FLNB: variants seen among roughly 807,000 people sequenced by gnomAD.
The protein encoded by FLNB is filamin B.
Under a neutral mutation model 250.6 loss-of-function variants are expected in FLNB, and 111 were observed. The observed-to-expected ratio is 0.44, with a 90% CI of 0.38 to 0.52. The LOEUF (loss-of-function observed/expected upper bound fraction) is 0.52. FLNB is among the 20% of genes least tolerant of loss of function. The pLI is 0.00. For synonymous variants in FLNB, 1,302 were observed against 1,372.1 expected (o/e 0.95, Z 1.13); for missense variants, 2,869 against 3,447.8 (o/e 0.83, Z 4.20).
chr3:58,055,063 T>A (rs1377825108), intron 1 of FLNB, among the ~76,000 whole-genome samples: 2 of 152,010 alleles, frequency 1.3e-5, no homozygotes, highest in Non-Finnish European at 2.9e-5. Flanking sequence ...GGTCAGGAGT[T>A]CAAGACCATC....
At position 58,132,940 on chromosome 3, in the gene FLNB, C is replaced by T. The variant is rs2097309881; in HGVS notation, c.4514+9C>T. On this transcript the variant is annotated intron_variant, in intron 26 of 45. Coordinates refer to ENST00000295956, the MANE Select transcript of FLNB (RefSeq NM_001457.4). ...GAAGAGATTCCTCGCAGGTAAGCTC[C>T]ATCCATCTGCCCATCCATTCCTCCA... The T allele has an allele frequency of 1.2e-6, 2 of 1,609,764 alleles. No homozygotes were observed. The highest frequency in any genetic ancestry group is 1.7e-6 in the Non-Finnish European group (2 of 1,178,160).
intron 1 of FLNB, among the ~76,000 whole-genome samples, chr3:58,038,025 G>T (rs1349101810): frequency 6.6e-6 from 1 of 152,098 alleles, no homozygotes; most frequent in East Asian, 1.9e-4. Context: ...TTGTTTGTTT[G>T]TTTGTTTGTT....
intron 8 of FLNB, among the ~76,000 whole-genome samples, chr3:58,100,773 A>G (rs2097249728): frequency 6.6e-6 from 1 of 150,656 alleles, no homozygotes; most frequent in Non-Finnish European, 1.5e-5. Flanking sequence ...GTTTTTTTGT[A>G]CTTTTAGCAG....
intron 1 of FLNB, among the ~76,000 whole-genome samples, chr3:58,065,246 G>C (rs1355049506): frequency 2.6e-5 from 4 of 152,222 alleles, no homozygotes; most frequent in Non-Finnish European, 5.9e-5. Flanking sequence ...CAGAGGCCCT[G>C]CCCTGGTGGG....
chr3:58,016,726 G>T (rs1421733452), intron 1 of FLNB, among the ~76,000 whole-genome samples: 1 of 151,548 alleles, frequency 6.6e-6, no homozygotes, highest in East Asian at 1.9e-4. Context: ...TTGTTATTCT[G>T]CTTTTAATTT....
Position 58,123,555 on chromosome 3 carries a change from CT to C in FLNB, c.3590del (p.Leu1197ArgfsTer8), listed in dbSNP as rs770132804. 6.2e-7 allele frequency: 1 copy of C among 1,608,938 alleles called. No homozygotes were observed. Among genetic ancestry groups the C allele is most frequent in the Admixed American group, 1.7e-5 (1 of 59,144 alleles). Reference protein sequence around the residue: ...DGTYAVTYVPLTAGMYTLTMK... With the variant: ...DGTYAVTYVPXTAGMYTLTMK... ...CACCTACGCGGTGACCTACGTGCCCCTGACGGCCGGCATGTACACGTTGACC... is the reference window on the plus strand; with the variant it reads ...CACCTACGCGGTGACCTACGTGCCCCGACGGCCGGCATGTACACGTTGACC... On this transcript the variant is annotated frameshift_variant, in exon 21 of 46. Transcript: ENST00000295956. LOFTEE classifies it high-confidence loss of function.
chr3:58,139,354 C>G (rs566449908), intron 29 of FLNB, among the ~76,000 whole-genome samples: 12 of 152,296 alleles, frequency 7.9e-5, no homozygotes, highest in Admixed American at 5.9e-4. Context: ...TCCTTTGATA[C>G]TGTGGTCAGC....
In FLNB at chr3:58,169,824, TGGGGCA is replaced by T; in HGVS notation, c.7621+40_7621+45del. Reference sequence around the variant, plus strand: ...TGTCTGGGCCTTTTCAAGGGTGGGGTGGGGCAGGGGCAGGCTGGGCACCCTGGGTAC... The same window carrying T: ...TGTCTGGGCCTTTTCAAGGGTGGGGTGGGGCAGGCTGGGCACCCTGGGTAC... On this transcript the variant is annotated intron_variant, in intron 45 of 45. Coordinates refer to ENST00000295956, the MANE Select transcript of FLNB (RefSeq NM_001457.4). The surrounding 1 kb of genome is among the most constrained non-coding windows in gnomAD (Gnocchi z 4.8). 2.9e-6 allele frequency: 2 copies of T among 684,922 alleles called. No homozygotes were observed. The highest frequency in any genetic ancestry group is 5.2e-6 in the Non-Finnish European group (2 of 387,966). The allele number at this position is 684,922 out of a possible 1,614,324, so 42.4% of individuals were successfully genotyped here.
intron 1 of FLNB, among the ~76,000 whole-genome samples, chr3:58,025,133 C>CTTTTTTTTTTTT (rs57706596): frequency 8.6e-6 from 1 of 116,546 alleles, no homozygotes; most frequent in African/African-American, 3.4e-5. Context: ...TTCTTTCTTT[C>CTTTTTTTTTTTT]TTTTTTTTTT....
chr3:58,087,599 C>A (rs1041828455), intron 4 of FLNB, among the ~76,000 whole-genome samples: 1 of 148,030 alleles, frequency 6.8e-6, no homozygotes, highest in African/African-American at 2.5e-5. Flanking sequence ...ATTACAGGCG[C>A]CCACCACCAC....
intron 1 of FLNB, among the ~76,000 whole-genome samples, chr3:58,072,321 G>A (rs1356826385): frequency 6.6e-6 from 1 of 152,170 alleles, no homozygotes; most frequent in African/African-American, 2.4e-5. Context: ...GGCGGACCTG[G>A]TAGGCGTTGG....
intron 1 of FLNB, among the ~76,000 whole-genome samples, chr3:58,021,252 A>G (rs2097113619): frequency 6.6e-6 from 1 of 152,206 alleles, no homozygotes; most frequent in Non-Finnish European, 1.5e-5. Flanking sequence ...GTATGGGACC[A>G]GGCCCTGCCT....
At chr3:58,087,739 T>C (rs2097219470) in intron 4 of FLNB, among the ~76,000 whole-genome samples, 1 of 151,832 alleles carries the variant, frequency 6.6e-6, no homozygotes, top group African/African-American at 2.4e-5. Flanking sequence ...TGTGAGCCAC[T>C]GCGCCCAGCC....
chr3:58,144,916 G>A (rs1280141821), intron 32 of FLNB, among the ~76,000 whole-genome samples: 1 of 152,174 alleles, frequency 6.6e-6, no homozygotes, highest in African/African-American at 2.4e-5. Flanking sequence ...CTGAACATTT[G>A]GATCCACGGC....
rs1031775932 is a variant in FLNB at position 58,141,994 on chromosome 3, G to T, written c.5181+65G>T. 93 of 1,400,306 alleles carry T rather than the reference G, an allele frequency of 6.6e-5. No individual in the cohort carries two copies. The East Asian group carries it at 1.1e-3, about 17-fold the overall frequency. 86.7% of individuals were successfully genotyped at this position (1,400,306 alleles called of 1,614,324 possible). A position where few individuals can be genotyped will look rare whatever the true frequency, so the allele number is the denominator to read the frequency against. ...ACTCAGCCTTCATTTCAGAAAATCT[G>T]CCATCTGCTTCTGGGATTGCTTAAG... On this transcript the variant is annotated intron_variant, in intron 30 of 45. Coordinates refer to ENST00000295956, the MANE Select transcript of FLNB (RefSeq NM_001457.4).
intron 4 of FLNB, among the ~76,000 whole-genome samples, chr3:58,093,883 G>A (rs1576705309): frequency 6.6e-6 from 1 of 152,314 alleles, no homozygotes; most frequent in Admixed American, 6.5e-5. Flanking sequence ...AGGTTACATA[G>A]TTATGATTCC....
chr3:58,148,597 C>T, intron 35 of FLNB, 52 bp from the exon 36 acceptor site: 2 of 1,492,314 alleles, frequency 1.3e-6, no homozygotes, highest in Non-Finnish European at 1.9e-6. Context: ...TGTCTCTCTC[C>T]TGCTTCCTCT....
chr3:58,104,031 C>T lies in FLNB; in HGVS notation c.1556C>T (p.Thr519Ile). 4 of 1,613,778 alleles carry T rather than the reference C, an allele frequency of 2.5e-6. No homozygotes were observed. Among genetic ancestry groups the T allele is most frequent in the African/African-American group, 1.3e-5 (1 of 74,940 alleles). Residue 519 changes from threonine (T) to isoleucine (I), a missense_variant, in exon 10 of 46, where the codon ACC becomes ATC. Physicochemically the swap from Thr to Ile is moderately conservative, Grantham distance 89. Around this residue, in one of 5 missense-constraint regions of FLNB, gnomAD observed 1,348 missense variants for 1,466.7 expected, o/e 0.92. Coordinates refer to ENST00000295956, the MANE Select transcript of FLNB (RefSeq NM_001457.4). ...GVYAFEYYPS[T>I]PGRYSIAITW... is the part of the protein sequence containing the mutation. ...TACGCATTCGAGTATTACCCCAGCA[C>T]CCCGGGGAGATACAGCATTGCCATC...
chr3:58,021,441 C>T (rs1489547915), intron 1 of FLNB, among the ~76,000 whole-genome samples: 1 of 152,100 alleles, frequency 6.6e-6, no homozygotes, highest in Non-Finnish European at 1.5e-5. Context: ...TGGGGGCCCT[C>T]GGTGGAGCTT....
Sources: gnomAD v4.1 joint callset for allele counts (sites outside exome capture counted in the v4.1 genomes callset) on GRCh38, gnomAD v4.1.1 for gene constraint, gnomAD v4.1.1 regional missense constraint, Gnocchi (gnomAD v3.1) non-coding constraint, MANE v1.5 for transcripts, NCBI Gene and HGNC (gene_info 2026-07-23, HGNC 2026-07-21) for gene names.